The following INTS10 variants were observed in gnomAD, a reference collection of about 807,000 sequenced individuals.
The protein encoded by INTS10 is integrator complex subunit 10.
Under a neutral mutation model 94.4 loss-of-function variants are expected in INTS10, and 44 were observed. The observed-to-expected ratio is 0.47, with a 90% CI of 0.37 to 0.60. The LOEUF is 0.60. INTS10 is among the 20% of genes least tolerant of loss of function. The probability of loss-of-function intolerance (pLI) is 0.00; values close to 1 mark genes in which losing one functional copy is unlikely to be tolerated. For missense variants in INTS10, 797 were observed against 868.7 expected (o/e 0.92, Z 1.04); for synonymous variants, 341 against 320.7 (o/e 1.06, Z -0.68).
chr8:19,820,827 G>GT (rs2066312674), intron 4 of INTS10: 1 of 219,350 alleles, frequency 4.6e-6, no homozygotes, highest in Admixed American at 5.4e-5. Flanking sequence ...TTAGCGTAGA[G>GT]TTTATAGTCT....
Position 19,844,244 on chromosome 8 carries a change from CTTTT to C in INTS10, c.1882+9_1882+12del. On this transcript the variant is annotated splice_region_variant and intron_variant, in intron 15 of 16. Transcript: ENST00000397977. ...TTTTTTCAATTACGTTACAAGTATC[CTTTT>C]TTCTTGTTTAAGCATAACACATTCT... is the stretch of plus-strand genomic sequence containing the variant. The C allele has an allele frequency of 6.3e-7, 1 of 1,589,924 alleles. No individual in the cohort carries two copies.
chr8:19,848,674 T>A (rs908494797), intron 16 of INTS10: 1 of 152,196 alleles, frequency 6.6e-6, no homozygotes, highest in East Asian at 1.9e-4. Flanking sequence ...TCAAAAACAT[T>A]GCCAGACCAT....
chr8:19,836,460 C>T lies in INTS10; in HGVS notation c.1531-592C>T, dbSNP rs1025389432. Among the ~76,000 whole-genome samples the T allele has an allele frequency of 4.6e-5, 7 of 152,176 alleles. No homozygotes were observed. In the South Asian group the frequency reaches 8.3e-4, roughly 18 times the overall value. On this transcript the variant is annotated intron_variant, in intron 12 of 16. Coordinates refer to ENST00000397977, the MANE Select transcript of INTS10 (RefSeq NM_018142.4). ...GTCTCATCTGTGTCCTAGACCAAAC[C>T]GCTGGCCCTCAAGTAAATCACCTAA...
chr8:19,827,860 C>T (rs1217790911), intron 9 of INTS10, among the ~76,000 whole-genome samples: 2 of 152,154 alleles, frequency 1.3e-5, no homozygotes, highest in African/African-American at 4.8e-5. Context: ...GAGCTCAGCT[C>T]ACATATATCT....
At chr8:19,822,299 C>G in intron 4 of INTS10, 140 bp from the exon 5 acceptor site, 1 of 552,710 alleles carries the variant, frequency 1.8e-6, no homozygotes, top group South Asian at 2.5e-5. Context: ...ATTTTCCAGT[C>G]TTTAAAATGT....
chr8:19,817,762 T>A (rs2066039904), intron 1 of INTS10, 96 bp downstream of exon 1: 3 of 1,437,612 alleles, frequency 2.1e-6, no homozygotes, highest in Admixed American at 2.2e-5. Flanking sequence ...GCCTGGGGGC[T>A]GCCGCCTCCT....
rs377247360 is a variant in INTS10, at chr8:19,828,062, A to G, written c.1140+1503A>G. On this transcript the variant is annotated intron_variant, in intron 9 of 16. Transcript: ENST00000397977. ...CGTCTCTATAAAAAATGAAAAAAAA[A>G]ACTAGCTGGCTGGTGGCATGCACCT... Among the ~76,000 whole-genome samples the G allele has an allele frequency of 1.4e-4, 21 of 152,066 alleles. No individual in the cohort carries two copies. The East Asian group carries it at 3.7e-3, about 27-fold the overall frequency.
At chr8:19,824,135 AG>A in intron 7 of INTS10, 91 bp downstream of exon 7, 2 of 1,203,820 alleles carry the variant, frequency 1.7e-6, no homozygotes, top group Non-Finnish European at 2.3e-6. Context: ...TGTAATGCGT[AG>A]GTATAGTTTT....
At position 19,823,359 on chromosome 8, in the gene INTS10, A is replaced by G. The variant is rs2066537629; in HGVS notation, c.582A>G (p.Leu194=). The G allele has an allele frequency of 1.2e-6, 2 of 1,602,260 alleles. No homozygotes were observed. The highest frequency in any genetic ancestry group is 8.6e-7 in the Non-Finnish European group (1 of 1,169,374). Residue 194 remains leucine, a synonymous_variant, in exon 6 of 17, where the codon TTA becomes TTG. Transcript: ENST00000397977. ...ATGATGTTCGATTACCTGCCAATTT[A>G]TTGTATAAGTACTTGAACAAAGCAG... The part of the protein sequence containing the change: ...NNHDVRLPAN[L]LYKYLNKAAE...
At position 19,849,096 on chromosome 8, in the gene INTS10, T is replaced by C. The variant is rs371538039; in HGVS notation, c.1977-2553T>C. The C allele has an allele frequency of 1.3e-5, 9 of 677,142 alleles. No individual in the cohort carries two copies. The African/African-American group carries it at 1.5e-4, about 11-fold the overall frequency. The allele number at this position is 677,142 out of a possible 1,614,324, so 41.9% of individuals were successfully genotyped here. The stretch of plus-strand genomic sequence containing the variant: ...AGTCTTGTGTATTTTCTCTGGAGTG[T>C]TGTTTTTGCAGTGCAGGGTGAGTCG... On this transcript the variant is annotated intron_variant, in intron 16 of 16. Coordinates refer to ENST00000397977, the MANE Select transcript of INTS10 (RefSeq NM_018142.4). This position sits in a 1 kb window ranked among gnomAD's most constrained non-coding sequence, Gnocchi z 4.6.
At chr8:19,831,989 G>A (rs2128778068) in intron 10 of INTS10, 39 bp from the exon 11 acceptor site, 1 of 1,137,536 alleles carries the variant, frequency 8.8e-7, no homozygotes, top group South Asian at 1.2e-5. Flanking sequence ...CTTCTTTGCT[G>A]CATATATTTG....
In INTS10 at chr8:19,849,397, A is replaced by G. The variant is rs564249321; in HGVS notation, c.1977-2252A>G. Among the ~76,000 whole-genome samples, 19 of 152,264 alleles carry G rather than the reference A, an allele frequency of 1.2e-4. No homozygotes were observed. The South Asian group carries it at 3.9e-3, about 32-fold the overall frequency. On this transcript the variant is annotated intron_variant, in intron 16 of 16. Coordinates refer to ENST00000397977, the MANE Select transcript of INTS10 (RefSeq NM_018142.4). This position sits in a 1 kb window ranked among gnomAD's most constrained non-coding sequence, Gnocchi z 4.6. ...GCAAACCATCTGGTTGTAATATTGTAACATTTCTTATTTTTTTTCCATAAG... is the reference window on the plus strand; with the variant it reads ...GCAAACCATCTGGTTGTAATATTGTGACATTTCTTATTTTTTTTCCATAAG...
chr8:19,845,602 G>T (rs923777031), intron 15 of INTS10, 102 bp from the exon 16 acceptor site: 2 of 764,746 alleles, frequency 2.6e-6, no homozygotes, highest in Non-Finnish European at 4.6e-6. Flanking sequence ...TTTTTTAGTG[G>T]GATGGCAATG....
intron 13 of INTS10, among the ~76,000 whole-genome samples, chr8:19,840,304 A>ATGTGGG (rs2068030081): frequency 6.6e-6 from 1 of 152,156 alleles, no homozygotes; most frequent in Non-Finnish European, 1.5e-5. Context: ...TGGACAGATC[A>ATGTGGG]TGTTTCTATA....
chr8:19,830,727 C>T (rs2067163501), intron 10 of INTS10, among the ~76,000 whole-genome samples, 168 bp downstream of exon 10: 1 of 152,068 alleles, frequency 6.6e-6, no homozygotes, highest in Non-Finnish European at 1.5e-5. Context: ...GGCCGGAGTA[C>T]AATGGTGTTA....
In INTS10 at chr8:19,846,136, G is replaced by T. The variant is rs893204425; in HGVS notation, c.1976+339G>T. On this transcript the variant is annotated intron_variant, in intron 16 of 16. Transcript: ENST00000397977. The surrounding 1 kb of genome is among the most constrained non-coding windows in gnomAD (Gnocchi z 4.2). ...AGAGTGCCTTTAATTAAGAACAGTT[G>T]TGTGGCCAGGCATGGTGGCTCACGC... is the stretch of plus-strand genomic sequence containing the variant. Among the ~76,000 whole-genome samples the T allele has an allele frequency of 1.3e-5, 2 of 151,982 alleles. No individual in the cohort carries two copies. Among genetic ancestry groups the T allele is most frequent in the African/African-American group, 4.8e-5 (2 of 41,376 alleles).
chr8:19,826,969 C>T (rs2066846408), intron 9 of INTS10, among the ~76,000 whole-genome samples: 1 of 152,106 alleles, frequency 6.6e-6, no homozygotes, highest in South Asian at 2.1e-4. Flanking sequence ...GGGGTACTGG[C>T]CTCGGAATGG....
At chr8:19,821,819 G>A (rs189877387) in intron 4 of INTS10, 159 of 152,346 alleles carry the variant, frequency 1.0e-3, no homozygotes, top group Middle Eastern at 3.4e-3. Context: ...TTCACCTTCT[G>A]TGTGATGTAA....
rs200103073 is a variant in INTS10 at position 19,820,452 on chromosome 8, G to A, written c.375G>A (p.Thr125=). Residue 125 remains threonine (T), a synonymous_variant, in exon 4 of 17, where the codon ACG becomes ACA. Transcript: ENST00000397977. ...AGGTCACGGAACAATGCTTCAACACGTTAGAACGATCAGAAATGTTGCTTC... is the reference window on the plus strand; with the variant it reads ...AGGTCACGGAACAATGCTTCAACACATTAGAACGATCAGAAATGTTGCTTC... ...LLKVTEQCFN[T]LERSEMLLLL... is the part of the protein sequence containing the mutation. The A allele has an allele frequency of 4.4e-5, 71 of 1,613,400 alleles. No homozygotes were observed. In the Admixed American group the frequency reaches 5.7e-4, roughly 13 times the overall value.
Sources: gnomAD v4.1 joint callset for allele counts (sites outside exome capture counted in the v4.1 genomes callset) on GRCh38, gnomAD v4.1.1 for gene constraint, Gnocchi (gnomAD v3.1) non-coding constraint, MANE v1.5 for transcripts, NCBI Gene and HGNC (gene_info 2026-07-23, HGNC 2026-07-21) for gene names.